The following BBX variants were observed in gnomAD, a reference collection of about 807,000 sequenced individuals.
BBX encodes the protein HMG box transcription factor BBX.
BBX carries 30 observed loss-of-function variants against 100.2 expected under a neutral mutation model. That is an observed-to-expected ratio of 0.30 (90% CI 0.22 to 0.41). BBX has a LOEUF of 0.41. Ranked by LOEUF, BBX falls within the 10% of genes least tolerant of loss-of-function variation. BBX has a pLI of 1.00. For synonymous variants in BBX, 376 were observed against 388.1 expected, an observed-to-expected ratio of 0.97 and a Z score of 0.37; for missense variants, 1,023 against 1,129.8, an observed-to-expected ratio of 0.91 and a Z score of 1.35.
intron 2 of BBX, among the ~76,000 whole-genome samples, chr3:107,633,299 A>T (rs1365254483): frequency 2.0e-5 from 3 of 152,118 alleles, no homozygotes; most frequent in African/African-American, 7.2e-5. Context: ...AATATATAAT[A>T]GTTGAATTAT....
chr3:107,755,938 T>C (rs1033004903), intron 10 of BBX, among the ~76,000 whole-genome samples: 2 of 152,206 alleles, frequency 1.3e-5, no homozygotes, highest in Non-Finnish European at 2.9e-5. Flanking sequence ...GTTACTTAGA[T>C]TGGCTATGTA....
chr3:107,662,894 G>A (rs1458527738), intron 3 of BBX: 3 of 151,978 alleles, frequency 2.0e-5, no homozygotes, highest in Admixed American at 6.5e-5. Flanking sequence ...CTTGCTACTC[G>A]CGGATACTTA....
intron 2 of BBX, among the ~76,000 whole-genome samples, chr3:107,567,757 T>C (rs768442034): frequency 9.9e-5 from 15 of 152,216 alleles, no homozygotes; most frequent in Non-Finnish European, 2.2e-4. Flanking sequence ...TCTGTTATCC[T>C]TTCTCTTCAT....
At chr3:107,662,467 A>G (rs1013209097) in intron 3 of BBX, 1 of 152,174 alleles carries the variant, frequency 6.6e-6, no homozygotes, top group African/African-American at 2.4e-5. Context: ...TTCCATAAAC[A>G]TAATTGGTAT....
chr3:107,669,434 A>G lies in BBX; in HGVS notation c.-10+23525A>G, dbSNP rs113101652. 3.3e-5 allele frequency among the ~76,000 whole-genome samples: 5 copies of G among 152,228 alleles called. 1 individual carries two copies. The highest frequency in any genetic ancestry group is 9.6e-5 in the African/African-American group (4 of 41,546). On this transcript the variant is annotated intron_variant, in intron 3 of 17. Coordinates refer to ENST00000325805, the MANE Select transcript of BBX (RefSeq NM_001142568.3). ...TAAAAGGCAAAGGAAGTTTGAGGCC[A>G]GGTTTTGAATATGTGGGTGGGGAGT... is the stretch of plus-strand genomic sequence containing the variant.
At chr3:107,544,197 T>C (rs2107378642) in intron 2 of BBX, among the ~76,000 whole-genome samples, 1 of 152,308 alleles carries the variant, frequency 6.6e-6, no homozygotes, top group South Asian at 2.1e-4. Flanking sequence ...AGCCAGGTAA[T>C]CTGGGCAGCT....
chr3:107,577,059 C>T (rs950390714), intron 2 of BBX, among the ~76,000 whole-genome samples: 2 of 152,076 alleles, frequency 1.3e-5, no homozygotes, highest in Admixed American at 6.5e-5. Context: ...TGGGGTTTCA[C>T]CGTCTTGGCC....
intron 7 of BBX, among the ~76,000 whole-genome samples, chr3:107,740,196 C>A (rs1183904605): frequency 6.6e-6 from 1 of 152,108 alleles, no homozygotes; most frequent in Non-Finnish European, 1.5e-5. Flanking sequence ...GCGTTAGTAA[C>A]CAGCTTCTCC....
intron 2 of BBX, among the ~76,000 whole-genome samples, chr3:107,567,246 C>A (rs1227238898): frequency 6.6e-6 from 1 of 151,922 alleles, no homozygotes; most frequent in African/African-American, 2.4e-5. Flanking sequence ...ATATTCGTAT[C>A]AGGTTAATAT....
intron 13 of BBX, 83 bp downstream of exon 13, chr3:107,778,602 T>C: frequency 7.0e-7 from 1 of 1,432,272 alleles, no homozygotes; most frequent in Non-Finnish European, 9.5e-7. Context: ...CCTTTAGACA[T>C]ATCATTGGAT....
At chr3:107,527,217 G>T (rs987036951) in intron 2 of BBX, among the ~76,000 whole-genome samples, 1 of 151,266 alleles carries the variant, frequency 6.6e-6, no homozygotes, top group African/African-American at 2.4e-5. Flanking sequence ...TTGTAAGTTT[G>T]CCCCTCCATT....
intron 10 of BBX, among the ~76,000 whole-genome samples, chr3:107,770,171 AG>A (rs1297409636): frequency 6.6e-6 from 1 of 152,182 alleles, no homozygotes; most frequent in African/African-American, 2.4e-5. Context: ...GAATCCTTTC[AG>A]GGGTGATGAG....
At chr3:107,634,363 A>C (rs894122551) in intron 2 of BBX, among the ~76,000 whole-genome samples, 4 of 152,178 alleles carry the variant, frequency 2.6e-5, no homozygotes, top group African/African-American at 9.7e-5. Flanking sequence ...TCTCAGCTCT[A>C]TGTAGAATTA....
At chr3:107,608,929 C>T (rs1270486020) in intron 2 of BBX, among the ~76,000 whole-genome samples, 1 of 152,050 alleles carries the variant, frequency 6.6e-6, no homozygotes, top group Non-Finnish European at 1.5e-5. Context: ...TTTACTGAAT[C>T]TGTTTATAAG....
intron 15 of BBX, among the ~76,000 whole-genome samples, chr3:107,797,337 A>ATATATATATATATATATATAT (rs2069789795): frequency 2.3e-4 from 9 of 39,342 alleles, no homozygotes; most frequent in African/African-American, 4.5e-4. Flanking sequence ...TTTTCTTCCA[A>ATATATATATATATATATATAT]ATATATATAT....
intron 2 of BBX, among the ~76,000 whole-genome samples, chr3:107,557,736 A>G (rs2050186369): frequency 1.3e-5 from 2 of 152,176 alleles, no homozygotes; most frequent in Admixed American, 6.5e-5. Context: ...TTAAAGCTCT[A>G]TTTCAGTAGG....
At chr3:107,570,875 G>C (rs2051303314) in intron 2 of BBX, among the ~76,000 whole-genome samples, 1 of 152,104 alleles carries the variant, frequency 6.6e-6, no homozygotes. Flanking sequence ...AGAGACTAGG[G>C]AGGGACTGAT....
chr3:107,777,089 T>C (rs892230058), intron 12 of BBX, among the ~76,000 whole-genome samples: 3 of 152,216 alleles, frequency 2.0e-5, no homozygotes, highest in Non-Finnish European at 4.4e-5. Flanking sequence ...TGCACCACAA[T>C]GAGTAGCATG....
chr3:107,654,875 C>G (rs1004473296), intron 3 of BBX, among the ~76,000 whole-genome samples: 1 of 152,086 alleles, frequency 6.6e-6, no homozygotes, highest in Non-Finnish European at 1.5e-5. Context: ...ATTAAAGGTA[C>G]TAGAGGGTAT....
Sources: allele counts gnomAD v4.1 joint callset (sites outside exome capture counted in the v4.1 genomes callset), GRCh38; gene constraint gnomAD v4.1.1; transcripts MANE v1.5; gene names NCBI Gene and HGNC (gene_info 2026-07-23, HGNC 2026-07-21).